FGFR1: variants seen among roughly 807,000 people sequenced by gnomAD.
FGFR1 encodes the protein FGFR1/PLAG1 fusion.
Under a neutral mutation model 93.7 loss-of-function variants are expected in FGFR1, and 18 were observed. The ratio of observed to expected loss-of-function variants is 0.19; its 90% CI spans 0.13 to 0.28. The LOEUF is 0.28. FGFR1 is among the 10% of genes least tolerant of loss of function. The probability of loss-of-function intolerance (pLI) is 1.00; values close to 1 mark genes in which losing one functional copy is unlikely to be tolerated. For synonymous variants in FGFR1, 448 were observed against 429.3 expected (o/e 1.04, Z -0.54); for missense variants, 731 against 1,080.4 (o/e 0.68, Z 4.53).
At chr8:38,415,845 C>T (rs1816347306) in intron 13 of FGFR1, 25 bp downstream of exon 13, 1 of 1,611,364 alleles carries the variant, frequency 6.2e-7, no homozygotes, top group African/African-American at 1.3e-5. Flanking sequence ...CTGGCATTAC[C>T]CAGGGGAGCC....
In FGFR1 at chr8:38,426,183, G is replaced by A. The variant is rs773454662; in HGVS notation, c.684C>T (p.Tyr228=). ...DSVVPSDKGN[Y]TCIVENEYGS... ...CGTACTCATTCTCCACAATGCAGGT[G>A]TAGTTGCCCTTGTCAGAGGGCACCA... is the stretch of plus-strand genomic sequence containing the variant. Residue 228 remains tyrosine, a synonymous_variant, in exon 6 of 18, where the codon TAC becomes TAT. Coordinates refer to ENST00000447712, the MANE Select transcript of FGFR1 (RefSeq NM_023110.3). This position sits in a 1 kb window ranked among gnomAD's most constrained non-coding sequence, Gnocchi z 4.1. 1.2e-6 allele frequency: 2 copies of A among 1,614,208 alleles called. No homozygotes were observed. Among genetic ancestry groups the A allele is most frequent in the Non-Finnish European group, 1.7e-6 (2 of 1,180,044 alleles).
intron 2 of FGFR1, among the ~76,000 whole-genome samples, chr8:38,433,717 A>C (rs1355995796): frequency 6.6e-6 from 1 of 152,258 alleles, no homozygotes; most frequent in African/African-American, 2.4e-5. Context: ...CGCCTGAATC[A>C]CACAAATTCA....
chr8:38,467,436 G>C (rs189229906), intron 1 of FGFR1, among the ~76,000 whole-genome samples: 1 of 152,062 alleles, frequency 6.6e-6, no homozygotes, highest in African/African-American at 2.4e-5. Flanking sequence ...AGGCTTTCCC[G>C]GGGGTGGAAA....
At chr8:38,436,047 T>C (rs1362264430) in intron 2 of FGFR1, among the ~76,000 whole-genome samples, 1 of 152,192 alleles carries the variant, frequency 6.6e-6, no homozygotes, top group Non-Finnish European at 1.5e-5. Flanking sequence ...AGACTGGCTG[T>C]TCACTATTAC....
chr8:38,460,819 G>C lies in FGFR1; in HGVS notation c.-88-3285C>G, dbSNP rs13275043. Among the ~76,000 whole-genome samples the C allele has an allele frequency of 0.44, 67,345 of 151,918 alleles. 15,526 individuals are homozygous for C. Among genetic ancestry groups the C allele is most frequent in the Admixed American group, 0.55 (8,379 of 15,262 alleles). On this transcript the variant is annotated intron_variant, in intron 1 of 17. Coordinates refer to ENST00000447712, the MANE Select transcript of FGFR1 (RefSeq NM_023110.3). ...GCTGTCTGGGACCCTGCCACCTCCT[G>C]CTTCACCTCAGTTTCTCATTCTACT...
At chr8:38,461,806 C>A (rs1375030822) in intron 1 of FGFR1, among the ~76,000 whole-genome samples, 3 of 152,092 alleles carry the variant, frequency 2.0e-5, no homozygotes, top group Admixed American at 2.0e-4. Context: ...AAAGTACCAA[C>A]CAAATGTAAA....
intron 2 of FGFR1, among the ~76,000 whole-genome samples, chr8:38,441,559 T>C (rs577786759): frequency 6.6e-6 from 1 of 152,338 alleles, no homozygotes; most frequent in South Asian, 2.1e-4. Context: ...CTATTCCCAA[T>C]ACACTTTGCT....
At position 38,414,501 on chromosome 8, in the gene FGFR1, T is replaced by C. The variant is rs1258331141; in HGVS notation, c.2048+58A>G. 3.8e-6 allele frequency: 6 copies of C among 1,595,056 alleles called. No homozygotes were observed. The East Asian group carries it at 1.1e-4, about 30-fold the overall frequency. Reference sequence around the variant, plus strand: ...TCAGTCCAGGGAGAAAGCAGGACTCTACAGTGCTAGAAGCTCTCTATCCCA... The same window carrying C: ...TCAGTCCAGGGAGAAAGCAGGACTCCACAGTGCTAGAAGCTCTCTATCCCA... On this transcript the variant is annotated intron_variant, in intron 15 of 17. Coordinates refer to ENST00000447712, the MANE Select transcript of FGFR1 (RefSeq NM_023110.3).
chr8:38,429,638 G>A lies in FGFR1; in HGVS notation c.358+44C>T, dbSNP rs1303742167. On this transcript the variant is annotated intron_variant, in intron 3 of 17. Transcript: ENST00000447712. This position sits in a 1 kb window ranked among gnomAD's most constrained non-coding sequence, Gnocchi z 4.4. Reference sequence around the variant, plus strand: ...CTGAAACTGGCAGAGAGGGCTGGAGGGGGTGGGTCTAGGGAGGGGCAAGGG... The same window carrying A: ...CTGAAACTGGCAGAGAGGGCTGGAGAGGGTGGGTCTAGGGAGGGGCAAGGG... 1 of 1,544,818 alleles carries A rather than the reference G, an allele frequency of 6.5e-7. No individual in the cohort carries two copies. The highest frequency in any genetic ancestry group is 8.8e-7 in the Non-Finnish European group (1 of 1,141,414).
chr8:38,412,194 C>T lies in FGFR1; in HGVS notation c.*1434G>A, dbSNP rs951605605. ...CCTCCTGTGGAGCTGGGATTACAGGCGTGTGCCACCATGCCTGGATAATTT... is the reference window on the plus strand; with the variant it reads ...CCTCCTGTGGAGCTGGGATTACAGGTGTGTGCCACCATGCCTGGATAATTT... On this transcript the variant is annotated 3_prime_UTR_variant, in exon 18 of 18. Coordinates refer to ENST00000447712, the MANE Select transcript of FGFR1 (RefSeq NM_023110.3). 9.6e-6 allele frequency: 2 copies of T among 208,604 alleles called. No individual in the cohort carries two copies. Among genetic ancestry groups the T allele is most frequent in the Admixed American group, 5.9e-5 (1 of 16,906 alleles). 12.9% of individuals were successfully genotyped at this position (208,604 alleles called of 1,614,324 possible). A position where few individuals can be genotyped will look rare whatever the true frequency, so the allele number is the denominator to read the frequency against.
chr8:38,447,724 GC>G (rs1829800800), intron 2 of FGFR1, among the ~76,000 whole-genome samples: 1 of 152,118 alleles, frequency 6.6e-6, no homozygotes, highest in Non-Finnish European at 1.5e-5. Flanking sequence ...TAAGTGATCT[GC>G]CTGCCTCGGC....
At chr8:38,436,647 T>A (rs1825544070) in intron 2 of FGFR1, among the ~76,000 whole-genome samples, 1 of 152,004 alleles carries the variant, frequency 6.6e-6, no homozygotes, top group South Asian at 2.1e-4. Flanking sequence ...CCTGCTTCTC[T>A]AAGGTGTCTC....
chr8:38,417,484 G>C, intron 11 of FGFR1, 68 bp from the exon 12 acceptor site: 2 of 1,339,112 alleles, frequency 1.5e-6, no homozygotes, highest in South Asian at 2.3e-5. Context: ...CTAAGGGAGT[G>C]GGGTATGTGT....
In FGFR1 at chr8:38,424,584, G is replaced by T. The variant is rs1370490922; in HGVS notation, c.861C>A (p.Ile287=). Residue 287 remains isoleucine, a synonymous_variant, in exon 7 of 18, where the codon ATC becomes ATA. Coordinates refer to ENST00000447712, the MANE Select transcript of FGFR1 (RefSeq NM_023110.3). The surrounding 1 kb of genome is among the most constrained non-coding windows in gnomAD (Gnocchi z 4.3). ...TCACCTCGATGTGCTTTAGCCACTG[G>T]ATGTGCGGCTGCGGGTCACTGTACA... ...CKVYSDPQPH[I]QWLKHIEVNG... is the part of the protein sequence containing the mutation. 1 of 1,614,246 alleles carries T rather than the reference G, an allele frequency of 6.2e-7. No homozygotes were observed. Among genetic ancestry groups the T allele is most frequent in the Non-Finnish European group, 8.5e-7 (1 of 1,180,046 alleles).
intron 2 of FGFR1, among the ~76,000 whole-genome samples, chr8:38,436,804 G>A (rs1825623045): frequency 6.6e-6 from 1 of 152,062 alleles, no homozygotes; most frequent in Non-Finnish European, 1.5e-5. Flanking sequence ...ATGATAATGA[G>A]GCCCTACTGA....
chr8:38,417,729 C>T, intron 11 of FGFR1, 141 bp downstream of exon 11: 1 of 1,170,990 alleles, frequency 8.5e-7, no homozygotes, highest in Non-Finnish European at 1.3e-6. Context: ...ACACCCCCTC[C>T]ACTCCCAGGT....
At chr8:38,423,233 C>A in intron 7 of FGFR1, 1 of 760,506 alleles carries the variant, frequency 1.3e-6, no homozygotes, top group Admixed American at 1.8e-5. Flanking sequence ...TGGCCACGCA[C>A]GTTGCTCCCG....
At chr8:38,430,337 G>A in intron 2 of FGFR1, 1 of 215,034 alleles carries the variant, frequency 4.7e-6, no homozygotes, top group Non-Finnish European at 9.3e-6. Flanking sequence ...TGCCAAGATT[G>A]CCACTTGCCA....
intron 2 of FGFR1, among the ~76,000 whole-genome samples, chr8:38,445,567 C>G (rs2151180994): frequency 6.6e-6 from 1 of 152,276 alleles, no homozygotes; most frequent in East Asian, 1.9e-4. Context: ...GGAACGGAGT[C>G]TCACTCTGTT....
Sources: gnomAD v4.1 joint callset for allele counts (sites outside exome capture counted in the v4.1 genomes callset) on GRCh38, gnomAD v4.1.1 for gene constraint, Gnocchi (gnomAD v3.1) non-coding constraint, MANE v1.5 for transcripts, NCBI Gene and HGNC (gene_info 2026-07-23, HGNC 2026-07-21) for gene names.